Variants in SHC3 observed in about 807,000 individuals in gnomAD.
The protein encoded by SHC3 is SHC adaptor protein 3, also known as SHC-transforming protein 3.
Under a neutral mutation model 60.4 loss-of-function variants are expected in SHC3, and 15 were observed. That is an observed-to-expected ratio of 0.25 (90% CI 0.17 to 0.38). The LOEUF is 0.38. Ranked by LOEUF, SHC3 falls within the 10% of genes least tolerant of loss-of-function variation. The probability of loss-of-function intolerance (pLI) is 1.00; values close to 1 mark genes in which losing one functional copy is unlikely to be tolerated. For missense variants in SHC3, 677 were observed against 786.1 expected (o/e 0.86, Z 1.66); for synonymous variants, 294 against 325.9 (o/e 0.90, Z 1.05).
chr9:89,019,808 G>T (rs1826168279), intron 11 of SHC3, among the ~76,000 whole-genome samples: 1 of 152,134 alleles, frequency 6.6e-6, no homozygotes, highest in African/African-American at 2.4e-5. Context: ...ACTCAATATT[G>T]TCAAGGTGTC....
intron 7 of SHC3, among the ~76,000 whole-genome samples, chr9:89,050,271 T>C (rs1328995562): frequency 2.0e-5 from 3 of 152,156 alleles, no homozygotes; most frequent in Non-Finnish European, 4.4e-5. Context: ...CATTTTTGCA[T>C]TTTTTTGTTG....
chr9:89,123,723 C>G (rs1035022463), intron 1 of SHC3, among the ~76,000 whole-genome samples: 1 of 152,130 alleles, frequency 6.6e-6, no homozygotes, highest in Non-Finnish European at 1.5e-5. Context: ...CTTTCCTGGC[C>G]AGAGGAATTT....
chr9:89,058,929 G>C (rs908829417), intron 6 of SHC3, among the ~76,000 whole-genome samples: 3 of 150,438 alleles, frequency 2.0e-5, no homozygotes, highest in Admixed American at 2.0e-4. Context: ...GGTGGTGTTA[G>C]GACGTGGTAG....
chr9:89,133,721 T>G (rs887613372), intron 1 of SHC3, among the ~76,000 whole-genome samples: 4 of 151,934 alleles, frequency 2.6e-5, no homozygotes, highest in Admixed American at 6.6e-5. Context: ...TGAGAACACT[T>G]GGACACAGGG....
At chr9:89,099,205 CACA>C (rs1327487172) in intron 2 of SHC3, among the ~76,000 whole-genome samples, 6 of 152,086 alleles carry the variant, frequency 3.9e-5, no homozygotes, top group African/African-American at 1.4e-4. Context: ...AAGATGATGA[CACA>C]ACATTTTCCT....
chr9:89,107,953 C>T (rs1343362733), intron 2 of SHC3, among the ~76,000 whole-genome samples: 1 of 152,200 alleles, frequency 6.6e-6, no homozygotes, highest in Non-Finnish European at 1.5e-5. Context: ...CAATGATGAG[C>T]CAACTACATC....
chr9:89,086,498 C>G (rs1825532532), intron 2 of SHC3, among the ~76,000 whole-genome samples: 1 of 152,138 alleles, frequency 6.6e-6, no homozygotes, highest in African/African-American at 2.4e-5. Flanking sequence ...ACTTCCATGC[C>G]CTCCCAGGAT....
In SHC3 at chr9:89,012,641, T is replaced by C. The variant is rs548412361; in HGVS notation, c.*806A>G. 9 of 152,284 alleles carry C rather than the reference T, an allele frequency of 5.9e-5. No homozygotes were observed. In the South Asian group the frequency reaches 1.9e-3, roughly 32 times the overall value. 9.4% of individuals were successfully genotyped at this position (152,284 alleles called of 1,614,324 possible). On this transcript the variant is annotated 3_prime_UTR_variant, in exon 12 of 12. Transcript: ENST00000375835. The stretch of plus-strand genomic sequence containing the variant: ...CTTCTACAAATACCCATTTTAGCAT[T>C]AGATACATGAGAACAGGGAAGCACT...
chr9:89,073,265 C>T (rs774260919), intron 4 of SHC3, among the ~76,000 whole-genome samples: 15 of 152,176 alleles, frequency 9.9e-5, no homozygotes, highest in Non-Finnish European at 1.5e-4. Context: ...ATTTGGTTGA[C>T]GTGATGCGTG....
intron 11 of SHC3, among the ~76,000 whole-genome samples, chr9:89,021,108 A>G (rs1826194248): frequency 6.6e-6 from 1 of 152,236 alleles, no homozygotes; most frequent in Non-Finnish European, 1.5e-5. Flanking sequence ...CTGGAACACT[A>G]ATATTCTAGC....
At chr9:89,052,221 C>T (rs7025214) in intron 6 of SHC3, 58 bp from the exon 7 acceptor site, 1,050,058 of 1,598,880 alleles carry the variant, frequency 0.66, 348,104 homozygotes, top group East Asian at 1. Flanking sequence ...ACCTGGGCTC[C>T]TCTACAAAGA....
intron 1 of SHC3, among the ~76,000 whole-genome samples, chr9:89,175,896 C>A (rs201419408): frequency 4.6e-5 from 7 of 152,158 alleles, no homozygotes; most frequent in Non-Finnish European, 7.4e-5. Flanking sequence ...ATGGGCAATG[C>A]GGGAATTTGC....
At chr9:89,142,171 G>T (rs963919482) in intron 1 of SHC3, among the ~76,000 whole-genome samples, 2 of 152,134 alleles carry the variant, frequency 1.3e-5, no homozygotes, top group Non-Finnish European at 2.9e-5. Flanking sequence ...TTACTAAATG[G>T]CTCCTCCAAC....
intron 1 of SHC3, among the ~76,000 whole-genome samples, chr9:89,146,687 G>A (rs1826474523): frequency 1.3e-5 from 2 of 152,136 alleles, no homozygotes; most frequent in Admixed American, 6.5e-5. Flanking sequence ...ACCTTCAGAT[G>A]TCAGAACTAG....
chr9:89,146,800 T>C (rs555885285), intron 1 of SHC3, among the ~76,000 whole-genome samples: 1 of 152,324 alleles, frequency 6.6e-6, no homozygotes, highest in East Asian at 1.9e-4. Context: ...CTATCAAGTG[T>C]GGTTGAGGAT....
chr9:89,071,018 C>T (rs1165479717), intron 5 of SHC3, among the ~76,000 whole-genome samples, 181 bp downstream of exon 5: 1 of 152,150 alleles, frequency 6.6e-6, no homozygotes, highest in African/African-American at 2.4e-5. Context: ...GTCCTTGTCA[C>T]AGCTTACCCC....
intron 1 of SHC3, among the ~76,000 whole-genome samples, chr9:89,163,143 G>A: frequency 6.7e-6 from 1 of 149,606 alleles, no homozygotes; most frequent in South Asian, 2.1e-4. Flanking sequence ...TACACTGTTG[G>A]TGGGACTGTA....
At chr9:89,042,416 A>G (rs1264530758) in intron 9 of SHC3, among the ~76,000 whole-genome samples, 1 of 152,156 alleles carries the variant, frequency 6.6e-6, no homozygotes, top group Non-Finnish European at 1.5e-5. Context: ...CAGGGTGGAC[A>G]CCTTGATGGC....
chr9:89,145,303 A>T (rs1315375762), intron 1 of SHC3, among the ~76,000 whole-genome samples: 1 of 152,250 alleles, frequency 6.6e-6, no homozygotes, highest in African/African-American at 2.4e-5. Context: ...ACCGAAAGTA[A>T]AAGTTGCCAA....
Sources: allele counts gnomAD v4.1 joint callset (sites outside exome capture counted in the v4.1 genomes callset), GRCh38; gene constraint gnomAD v4.1.1; transcripts MANE v1.5; gene names NCBI Gene and HGNC (gene_info 2026-07-23, HGNC 2026-07-21).